Variants in FKBP15 observed in about 807,000 individuals in gnomAD.
FKBP15 encodes the protein FK506-binding protein 15.
In FKBP15, 106 loss-of-function variants were observed where a neutral mutation model predicts 158.1. The ratio of observed to expected loss-of-function variants is 0.67; its 90% CI spans 0.57 to 0.79. The LOEUF (loss-of-function observed/expected upper bound fraction) is 0.79. FKBP15 is among the 30% of genes least tolerant of loss of function. FKBP15 has a pLI of 0.00. For missense variants in FKBP15, 1,287 were observed against 1,479.1 expected (o/e 0.87, Z 2.13); for synonymous variants, 547 against 548.6 (o/e 1.00, Z 0.04).
intron 4 of FKBP15, 116 bp downstream of exon 4, chr9:113,206,392 TA>T (rs1830887579): frequency 1.0e-5 from 8 of 768,520 alleles, no homozygotes; most frequent in Non-Finnish European, 1.8e-5. Flanking sequence ...TAACATTCAA[TA>T]CAAATAATCA....
chr9:113,197,576 G>A (rs1260408897), intron 8 of FKBP15, among the ~76,000 whole-genome samples: 1 of 152,172 alleles, frequency 6.6e-6, no homozygotes, highest in African/African-American at 2.4e-5. Flanking sequence ...GGCTGAGGCA[G>A]GAGAATCGCT....
chr9:113,202,692 C>T, intron 5 of FKBP15, 63 bp from the exon 6 acceptor site: 1 of 1,323,036 alleles, frequency 7.6e-7, no homozygotes, highest in Non-Finnish European at 1.1e-6. Flanking sequence ...AACATGACGG[C>T]CTAAGCTCAT....
rs905127571 is a variant in FKBP15 at position 113,163,875 on chromosome 9, T to G, written c.*2203A>C. On this transcript the variant is annotated 3_prime_UTR_variant, in exon 28 of 28. Transcript: ENST00000238256. ...TTACTGCTTACTCGTAATGATCTAG[T>G]GGGGAAACATGATTCATTCACTTAA... 7.3e-5 allele frequency: 11 copies of G among 151,164 alleles called. No homozygotes were observed. Among genetic ancestry groups the G allele is most frequent in the Non-Finnish European group, 1.2e-4 (8 of 67,886 alleles). 9.4% of individuals were successfully genotyped at this position (151,164 alleles called of 1,614,324 possible). A position where few individuals can be genotyped will look rare whatever the true frequency, so the allele number is the denominator to read the frequency against.
intron 10 of FKBP15, among the ~76,000 whole-genome samples, chr9:113,193,761 T>C (rs1280608189): frequency 6.6e-6 from 1 of 152,216 alleles, no homozygotes; most frequent in African/African-American, 2.4e-5. Context: ...ATTTTTTCCA[T>C]GAGTATATAA....
intron 15 of FKBP15, among the ~76,000 whole-genome samples, chr9:113,185,075 C>A (rs747985260): frequency 7.2e-5 from 11 of 152,218 alleles, no homozygotes; most frequent in Non-Finnish European, 1.3e-4. Flanking sequence ...CTTTGCACTG[C>A]CACAGCACCG....
intron 6 of FKBP15, among the ~76,000 whole-genome samples, chr9:113,202,138 C>G (rs996452324): frequency 2.6e-5 from 4 of 152,132 alleles, no homozygotes; most frequent in African/African-American, 9.7e-5. Flanking sequence ...AAGTGATCCA[C>G]CTGCCTCGGC....
chr9:113,200,294 G>C (rs1019925399), intron 6 of FKBP15, among the ~76,000 whole-genome samples: 2 of 152,150 alleles, frequency 1.3e-5, no homozygotes, highest in Middle Eastern at 3.2e-3. Flanking sequence ...AATATAAGTA[G>C]AGTACTTGAC....
At chr9:113,212,303 C>T (rs1175696971) in intron 1 of FKBP15, among the ~76,000 whole-genome samples, 1 of 152,144 alleles carries the variant, frequency 6.6e-6, no homozygotes, top group African/African-American at 2.4e-5. Flanking sequence ...ATTCTCCTGC[C>T]TCAGCCTCCC....
intron 2 of FKBP15, among the ~76,000 whole-genome samples, chr9:113,209,529 G>C (rs957938859): frequency 1.3e-5 from 2 of 152,206 alleles, no homozygotes; most frequent in Non-Finnish European, 2.9e-5. Context: ...TTAAAGCAGG[G>C]ATCGGCAAAC....
chr9:113,175,174 C>A (rs1028742808), intron 21 of FKBP15, among the ~76,000 whole-genome samples: 2 of 150,230 alleles, frequency 1.3e-5, no homozygotes, highest in African/African-American at 4.9e-5. Context: ...AGTAAGAAAA[C>A]GAATGGATAT....
intron 4 of FKBP15, 117 bp downstream of exon 4, chr9:113,206,392 T>C: frequency 1.3e-6 from 1 of 768,520 alleles, no homozygotes; most frequent in Non-Finnish European, 2.2e-6. Flanking sequence ...TAACATTCAA[T>C]ACAAATAATC....
At chr9:113,201,185 A>G (rs1830785365) in intron 6 of FKBP15, among the ~76,000 whole-genome samples, 1 of 151,996 alleles carries the variant, frequency 6.6e-6, no homozygotes, top group South Asian at 2.1e-4. Flanking sequence ...GAGAAAATTG[A>G]TATAAATGTG....
Position 113,194,108 on chromosome 9 carries a change from G to A in FKBP15, c.926C>T (p.Ala309Val). The A allele has an allele frequency of 6.2e-7, 1 of 1,613,576 alleles. No homozygotes were observed. The highest frequency in any genetic ancestry group is 8.5e-7 in the Non-Finnish European group (1 of 1,179,624). ...GTCAGCACCAGGGATGGGAGACGGA[G>A]CTGCAGAATCGCGGGAACTAACACT... ...GHSVSSRDSA[A>V]PSPIPGADNL... The change falls in exon 10 of 28, where the codon GCT becomes GTT. Residue 309 changes from alanine (A) to valine (V), a missense_variant. Physicochemically the swap from Ala to Val is moderately conservative, Grantham distance 64 (BLOSUM62 0). Coordinates refer to ENST00000238256, the MANE Select transcript of FKBP15 (RefSeq NM_015258.2).
intron 19 of FKBP15, among the ~76,000 whole-genome samples, chr9:113,179,606 A>G (rs1830357306): frequency 6.6e-6 from 1 of 151,644 alleles, no homozygotes; most frequent in East Asian, 1.9e-4. Flanking sequence ...GGTTGCAGTG[A>G]GCTGAGATCG....
At chr9:113,191,525 A>C (rs778330284) in intron 11 of FKBP15, among the ~76,000 whole-genome samples, 13 of 151,762 alleles carry the variant, frequency 8.6e-5, no homozygotes, top group Non-Finnish European at 1.3e-4. Context: ...AGTTGGATAC[A>C]TCAGGAAAGG....
In FKBP15 at chr9:113,186,319, G is replaced by A. The variant is rs181064723; in HGVS notation, c.1428C>T (p.Ala476=). The change falls in exon 15 of 28, where the codon GCC becomes GCT. Residue 476 remains alanine (A), a synonymous_variant. Coordinates refer to ENST00000238256, the MANE Select transcript of FKBP15 (RefSeq NM_015258.2). ...MQAYAYPQAS[A]VTSQLQPVRP... Reference sequence around the variant, plus strand: ...GAACGGGCTGCAGCTGGGAGGTGACGGCAGATGCCTGGGGATAAGCGTAGG... The same window carrying A: ...GAACGGGCTGCAGCTGGGAGGTGACAGCAGATGCCTGGGGATAAGCGTAGG... 4.1e-5 allele frequency: 65 copies of A among 1,570,400 alleles called. No homozygotes were observed. Among genetic ancestry groups the A allele is most frequent in the East Asian group, 7.0e-5 (3 of 42,558 alleles).
rs143131480 is a variant in FKBP15 at position 113,211,488 on chromosome 9, G to A, written c.158C>T (p.Thr53Met). 717 of 1,606,790 alleles carry A rather than the reference G, an allele frequency of 4.5e-4. 8 individuals are homozygous for A. In the East Asian group the frequency reaches 0.011, roughly 25 times the overall value. The change falls in exon 2 of 28, where the codon ACG becomes ATG. Residue 53 changes from threonine (T) to methionine (M), a missense_variant. Physicochemically the swap from Thr to Met is moderately conservative, Grantham distance 81. Coordinates refer to ENST00000238256, the MANE Select transcript of FKBP15 (RefSeq NM_015258.2). ...CACTCTTAACTTACCTGTTGCTGCC[G>A]TTCCCTGGCCTTTCTTAGGCTGTTT... ...APKQPKKGQGTAATGNQATPK... is the reference protein window; with the variant it reads ...APKQPKKGQGMAATGNQATPK...
At chr9:113,186,411 T>A in intron 14 of FKBP15, 48 bp from the exon 15 acceptor site, 1 of 1,316,836 alleles carries the variant, frequency 7.6e-7, no homozygotes, top group Non-Finnish European at 1.1e-6. Context: ...TTCATGTCTT[T>A]CTTTTTTGTT....
In FKBP15 at chr9:113,176,563, G is replaced by A. The variant is rs374806948; in HGVS notation, c.2197C>T (p.Arg733Ter). Reference sequence around the variant, plus strand: ...TTTTCCAAGGACTCCTTCTCAACTCGAAGGTCAGTCAGTTCCTCCTCCAGG... The same window carrying A: ...TTTTCCAAGGACTCCTTCTCAACTCAAAGGTCAGTCAGTTCCTCCTCCAGG... ...TSLEEELTDL[R>*]VEKESLEKNL... The change falls in exon 21 of 28, where the codon CGA becomes TGA. Residue 733 changes from arginine to a stop codon, truncating the protein, a stop_gained. Coordinates refer to ENST00000238256, the MANE Select transcript of FKBP15 (RefSeq NM_015258.2). LOFTEE classifies it high-confidence loss of function. 1.2e-5 allele frequency: 18 copies of A among 1,562,592 alleles called. No homozygotes were observed. The highest frequency in any genetic ancestry group is 4.3e-6 in the Non-Finnish European group (5 of 1,151,432).
Sources: gnomAD v4.1 joint callset for allele counts (sites outside exome capture counted in the v4.1 genomes callset) on GRCh38, gnomAD v4.1.1 for gene constraint, MANE v1.5 for transcripts, NCBI Gene and HGNC (gene_info 2026-07-23, HGNC 2026-07-21) for gene names.